KIAA1958: variants seen among roughly 807,000 people sequenced by gnomAD.
KIAA1958 encodes the protein KIAA1958, also known as uncharacterized protein KIAA1958.
A neutral mutation model predicts 47.2 loss-of-function variants in KIAA1958; 14 were observed. The ratio of observed to expected loss-of-function variants is 0.30; its 90% CI spans 0.20 to 0.46. The LOEUF (loss-of-function observed/expected upper bound fraction) is 0.46, where lower values mean the gene tolerates loss of function less well. Ranked by LOEUF, KIAA1958 falls within the 20% of genes least tolerant of loss-of-function variation. The pLI is 1.00. For synonymous variants in KIAA1958, 354 were observed against 353.3 expected (o/e 1.00, Z -0.02); for missense variants, 803 against 909.2 (o/e 0.88, Z 1.50).
chr9:112,659,855 T>A lies in KIAA1958; in HGVS notation c.1937T>A (p.Met646Lys). Residue 646 changes from methionine to lysine, a missense_variant, in exon 4 of 4, where the codon ATG becomes AAG. Met to Lys is a moderately conservative substitution (Grantham distance 95). Around this residue, in one of 2 missense-constraint regions of KIAA1958, gnomAD observed 761 missense variants for 829.3 expected, o/e 0.92. Coordinates refer to ENST00000337530, the MANE Select transcript of KIAA1958 (RefSeq NM_133465.4). ...TACATCCACCGGCCGCCCACCCAAATGGAGGCCAAGTCCCCCTTCTACCTG... is the reference window on the plus strand; with the variant it reads ...TACATCCACCGGCCGCCCACCCAAAAGGAGGCCAAGTCCCCCTTCTACCTG... ...YMYIHRPPTQMEAKSPFYLTA... is the reference protein window; with the variant it reads ...YMYIHRPPTQKEAKSPFYLTA... 1 of 1,614,010 alleles carries A rather than the reference T, an allele frequency of 6.2e-7. No homozygotes were observed. Among genetic ancestry groups the A allele is most frequent in the Non-Finnish European group, 8.5e-7 (1 of 1,179,966 alleles).
At chr9:112,516,381 T>G (rs1460010294) in intron 1 of KIAA1958, among the ~76,000 whole-genome samples, 1 of 150,292 alleles carries the variant, frequency 6.7e-6, no homozygotes, top group African/African-American at 2.4e-5. Context: ...CATTAACTAT[T>G]TAGCGATAAA....
chr9:112,509,705 A>G (rs1169431661), intron 1 of KIAA1958, among the ~76,000 whole-genome samples: 1 of 152,226 alleles, frequency 6.6e-6, no homozygotes, highest in Non-Finnish European at 1.5e-5. Context: ...TGAGAATAAG[A>G]TGAAAGTTTG....
chr9:112,588,023 A>G (rs1274379960), intron 2 of KIAA1958, among the ~76,000 whole-genome samples: 7 of 152,218 alleles, frequency 4.6e-5, no homozygotes, highest in Non-Finnish European at 1.5e-5. Context: ...GGAAATAAAT[A>G]TATTTTCTCC....
intron 1 of KIAA1958, among the ~76,000 whole-genome samples, chr9:112,543,646 C>T (rs35353069): frequency 0.048 from 7,238 of 149,814 alleles, 357 homozygotes; most frequent in African/African-American, 0.12. Flanking sequence ...GATCTCGGCT[C>T]ACCTCAACCT....
chr9:112,618,893 G>T lies in KIAA1958; in HGVS notation c.1172-26757G>T. 2 of 1,543,808 alleles carry T rather than the reference G, an allele frequency of 1.3e-6. No homozygotes were observed. Among genetic ancestry groups the T allele is most frequent in the South Asian group, 2.4e-5 (2 of 83,422 alleles). On this transcript the variant is annotated intron_variant, in intron 2 of 3. Coordinates refer to ENST00000337530, the MANE Select transcript of KIAA1958 (RefSeq NM_133465.4). This position sits in a 1 kb window ranked among gnomAD's most constrained non-coding sequence, Gnocchi z 7.1. ...CAATTTCATCGTCTCCGCCTCCTAT[G>T]ACTCTTCCTCAGACACCGCTTGACC... is the stretch of plus-strand genomic sequence containing the variant.
At chr9:112,583,372 A>T (rs750096117) in intron 2 of KIAA1958, among the ~76,000 whole-genome samples, 10 of 152,240 alleles carry the variant, frequency 6.6e-5, no homozygotes, top group Non-Finnish European at 1.0e-4. Context: ...AAATGGGGAC[A>T]TGCTGGTGGA....
At chr9:112,622,080 A>G (rs1277269441) in intron 2 of KIAA1958, among the ~76,000 whole-genome samples, 1 of 152,222 alleles carries the variant, frequency 6.6e-6, no homozygotes, top group East Asian at 1.9e-4. Context: ...TTTTATCTAA[A>G]TGATACTGAG....
intron 1 of KIAA1958, among the ~76,000 whole-genome samples, chr9:112,489,189 C>T (rs991846273): frequency 2.0e-5 from 3 of 152,178 alleles, no homozygotes; most frequent in East Asian, 1.9e-4. Context: ...GAGTTCTAGA[C>T]CACTCTCAGA....
chr9:112,563,308 A>G (rs1190321263), intron 1 of KIAA1958, among the ~76,000 whole-genome samples: 3 of 152,138 alleles, frequency 2.0e-5, no homozygotes, highest in Non-Finnish European at 4.4e-5. Context: ...ACCTATAGAT[A>G]AATTTGGGAA....
chr9:112,598,341 C>T (rs1487198915), intron 2 of KIAA1958, among the ~76,000 whole-genome samples: 1 of 152,088 alleles, frequency 6.6e-6, no homozygotes, highest in Non-Finnish European at 1.5e-5. Flanking sequence ...GGTGAGGTGA[C>T]CAGAGCCTTG....
chr9:112,574,994 A>T lies in KIAA1958; in HGVS notation c.914A>T (p.Gln305Leu). 6.2e-7 allele frequency: 1 copy of T among 1,614,174 alleles called. No homozygotes were observed. The highest frequency in any genetic ancestry group is 8.5e-7 in the Non-Finnish European group (1 of 1,180,000). The change falls in exon 2 of 4, where the codon CAG becomes CTG. Residue 305 changes from glutamine to leucine, a missense_variant. Physicochemically the swap from Gln to Leu is moderately radical, Grantham distance 113. Transcript: ENST00000337530. ...CCTGGTACACATGGCACCAACCAAC[A>T]GGTGGCCATGCAAATGCCTGTGAGC... is the stretch of plus-strand genomic sequence containing the variant. ...GPPGTHGTNQ[Q>L]VAMQMPVSTS...
chr9:112,653,143 A>ACG (rs1564202637), intron 3 of KIAA1958, among the ~76,000 whole-genome samples: 1 of 152,242 alleles, frequency 6.6e-6, no homozygotes, highest in Admixed American at 6.5e-5. Flanking sequence ...TGCTTAGGTG[A>ACG]CGTAGAAAGT....
chr9:112,528,625 C>G (rs144031944), intron 1 of KIAA1958, among the ~76,000 whole-genome samples: 2 of 152,114 alleles, frequency 1.3e-5, no homozygotes, highest in South Asian at 4.2e-4. Flanking sequence ...TGGGTTCAAG[C>G]GATTCTCCTG....
In KIAA1958 at chr9:112,631,210, T is replaced by A. The variant is rs150408359; in HGVS notation, c.1172-14440T>A. ...ACACTGAATTTGATGGCAAACATGT[T>A]TAGACTGAACCATCAAATAAAAAAA... On this transcript the variant is annotated intron_variant, in intron 2 of 3. Coordinates refer to ENST00000337530, the MANE Select transcript of KIAA1958 (RefSeq NM_133465.4). 4.4e-3 allele frequency among the ~76,000 whole-genome samples: 667 copies of A among 152,238 alleles called. 7 individuals are homozygous for A. The highest frequency in any genetic ancestry group is 0.014 in the African/African-American group (602 of 41,538).
At position 112,659,505 on chromosome 9, in the gene KIAA1958, C is replaced by T. The variant is rs1282011325; in HGVS notation, c.1587C>T (p.Asn529=). 2 of 1,613,572 alleles carry T rather than the reference C, an allele frequency of 1.2e-6. No individual in the cohort carries two copies. Among genetic ancestry groups the T allele is most frequent in the East Asian group, 2.2e-5 (1 of 44,864 alleles). Residue 529 remains asparagine, a synonymous_variant, in exon 4 of 4, where the codon AAC becomes AAT. Transcript: ENST00000337530. ...KAGMSGARSR[N]IVYFSLSDEE... Reference sequence around the variant, plus strand: ...GCATGTCGGGCGCGCGTTCTCGCAACATCGTCTACTTCTCCCTTTCTGACG... The same window carrying T: ...GCATGTCGGGCGCGCGTTCTCGCAATATCGTCTACTTCTCCCTTTCTGACG...
chr9:112,590,553 T>C (rs767225655), intron 2 of KIAA1958, among the ~76,000 whole-genome samples: 30 of 152,114 alleles, frequency 2.0e-4, no homozygotes, highest in Non-Finnish European at 3.7e-4. Flanking sequence ...GGTTTCACTG[T>C]GTTCGCCAGA....
intron 1 of KIAA1958, among the ~76,000 whole-genome samples, chr9:112,513,734 G>A (rs1401209672): frequency 3.2e-5 from 1 of 31,706 alleles, no homozygotes; most frequent in Non-Finnish European, 5.8e-5. Flanking sequence ...GACGGGCCCC[G>A]CGGGGCCCGA....
At chr9:112,613,559 T>C (rs1265606155) in intron 2 of KIAA1958, among the ~76,000 whole-genome samples, 2 of 152,162 alleles carry the variant, frequency 1.3e-5, no homozygotes, top group African/African-American at 2.4e-5. Flanking sequence ...AAGCCACAGA[T>C]TGGAGAAGAT....
Position 112,618,903 on chromosome 9 carries a change from C to T in KIAA1958, c.1172-26747C>T. ...GTCTCCGCCTCCTATGACTCTTCCTCAGACACCGCTTGACCAGGTGGCTTG... is the reference window on the plus strand; with the variant it reads ...GTCTCCGCCTCCTATGACTCTTCCTTAGACACCGCTTGACCAGGTGGCTTG... On this transcript the variant is annotated intron_variant, in intron 2 of 3. Coordinates refer to ENST00000337530, the MANE Select transcript of KIAA1958 (RefSeq NM_133465.4). The surrounding 1 kb of genome is among the most constrained non-coding windows in gnomAD (Gnocchi z 7.1). 2.0e-6 allele frequency: 3 copies of T among 1,536,740 alleles called. No homozygotes were observed. The highest frequency in any genetic ancestry group is 2.6e-6 in the Non-Finnish European group (3 of 1,137,052).
Sources: allele counts gnomAD v4.1 joint callset (sites outside exome capture counted in the v4.1 genomes callset), GRCh38; gene constraint gnomAD v4.1.1; regional missense constraint gnomAD v4.1.1; non-coding constraint Gnocchi (gnomAD v3.1); transcripts MANE v1.5; gene names NCBI Gene and HGNC (gene_info 2026-07-23, HGNC 2026-07-21).